LDAH: variants seen among roughly 807,000 people sequenced by gnomAD.
LDAH encodes the protein lipid droplet-associated hydrolase.
In LDAH, 26 loss-of-function variants were observed where a neutral mutation model predicts 29.6. The observed-to-expected ratio is 0.88, with a 90% CI of 0.64 to 1.22. The LOEUF (loss-of-function observed/expected upper bound fraction) is 1.22. Ranked by LOEUF, LDAH falls within the 50% of genes most tolerant of loss-of-function variation. The probability of loss-of-function intolerance (pLI) is 0.00; values close to 1 mark genes in which losing one functional copy is unlikely to be tolerated. For missense variants in LDAH, 344 were observed against 387.3 expected (o/e 0.89, Z 0.94); for synonymous variants, 117 against 133.0 (o/e 0.88, Z 0.83).
At chr2:20,720,746 G>A (rs1029479719) in intron 5 of LDAH, among the ~76,000 whole-genome samples, 2 of 152,094 alleles carry the variant, frequency 1.3e-5, no homozygotes, top group Non-Finnish European at 2.9e-5. Flanking sequence ...ATGCTACAAA[G>A]CTATAGTAAT....
intron 1 of LDAH, among the ~76,000 whole-genome samples, chr2:20,821,493 A>C (rs1483686908): frequency 1.3e-5 from 2 of 152,184 alleles, no homozygotes; most frequent in African/African-American, 4.8e-5. Flanking sequence ...GGAAACCATC[A>C]TTCTCAGCAA....
intron 3 of LDAH, among the ~76,000 whole-genome samples, chr2:20,781,541 T>C (rs1381270230): frequency 1.3e-5 from 2 of 152,212 alleles, no homozygotes; most frequent in Non-Finnish European, 2.9e-5. Context: ...AAAGCCACTA[T>C]AGCATACATT....
chr2:20,707,530 T>C (rs916164011), intron 5 of LDAH, among the ~76,000 whole-genome samples: 4 of 152,152 alleles, frequency 2.6e-5, no homozygotes, highest in African/African-American at 9.7e-5. Flanking sequence ...GCTACCGCAG[T>C]GGTTTTTGGT....
At chr2:20,720,558 C>T (rs1032879332) in intron 5 of LDAH, among the ~76,000 whole-genome samples, 1 of 152,062 alleles carries the variant, frequency 6.6e-6, no homozygotes, top group Admixed American at 6.6e-5. Flanking sequence ...AAGCAATCTA[C>T]AGATTCAATG....
At chr2:20,715,583 G>A (rs2149385576) in intron 5 of LDAH, among the ~76,000 whole-genome samples, 1 of 152,322 alleles carries the variant, frequency 6.6e-6, no homozygotes, top group Admixed American at 6.5e-5. Flanking sequence ...AAAAGAGGAA[G>A]TCAAATTGTC....
At chr2:20,817,825 T>C (rs1160906371) in intron 1 of LDAH, among the ~76,000 whole-genome samples, 3 of 152,058 alleles carry the variant, frequency 2.0e-5, no homozygotes, top group Non-Finnish European at 2.9e-5. Context: ...CAGCAATAAA[T>C]AAAGAAATGC....
chr2:20,769,903 T>C (rs1204569608), intron 4 of LDAH, among the ~76,000 whole-genome samples: 2 of 152,078 alleles, frequency 1.3e-5, no homozygotes, highest in Admixed American at 1.3e-4. Flanking sequence ...AGCAATAAAT[T>C]AGAAGTAGGG....
intron 3 of LDAH, among the ~76,000 whole-genome samples, chr2:20,782,187 C>T (rs1670240544): frequency 6.6e-6 from 1 of 152,150 alleles, no homozygotes; most frequent in African/African-American, 2.4e-5. Flanking sequence ...TCAGGTCCCA[C>T]CCCAGATCTA....
intron 3 of LDAH, among the ~76,000 whole-genome samples, chr2:20,779,736 T>C (rs997763965): frequency 3.3e-5 from 5 of 152,162 alleles, no homozygotes; most frequent in Non-Finnish European, 7.4e-5. Flanking sequence ...TTGTGAGTAA[T>C]AGAAACTTTG....
At chr2:20,751,792 T>G (rs1667991774) in intron 4 of LDAH, among the ~76,000 whole-genome samples, 1 of 152,240 alleles carries the variant, frequency 6.6e-6, no homozygotes, top group Admixed American at 6.5e-5. Context: ...CAGACGAAAT[T>G]GTAATTTGCT....
In LDAH at chr2:20,685,434, T is replaced by C; in HGVS notation, c.*1469A>G. On this transcript the variant is annotated 3_prime_UTR_variant, in exon 7 of 7. Transcript: ENST00000237822. ...TTACGGCCTATGTATCTATTAGCTCTTCCCCTTGGGCTAACAGCACTCCTT... is the reference window on the plus strand; with the variant it reads ...TTACGGCCTATGTATCTATTAGCTCCTCCCCTTGGGCTAACAGCACTCCTT... 3.6e-6 allele frequency: 5 copies of C among 1,374,946 alleles called. No homozygotes were observed. Among genetic ancestry groups the C allele is most frequent in the Non-Finnish European group, 4.9e-6 (5 of 1,024,282 alleles). 85.2% of individuals were successfully genotyped at this position (1,374,946 alleles called of 1,614,324 possible).
chr2:20,697,439 C>T (rs1663572639), intron 6 of LDAH, among the ~76,000 whole-genome samples: 1 of 152,180 alleles, frequency 6.6e-6, no homozygotes, highest in Non-Finnish European at 1.5e-5. Flanking sequence ...AAGATAATCC[C>T]TCTCATTTGT....
At chr2:20,785,765 G>C (rs1232846102) in intron 3 of LDAH, among the ~76,000 whole-genome samples, 1 of 152,016 alleles carries the variant, frequency 6.6e-6, no homozygotes, top group Non-Finnish European at 1.5e-5. Context: ...TATTTTTCCA[G>C]CCCACTGATT....
At chr2:20,793,479 A>G (rs116450243) in intron 2 of LDAH, among the ~76,000 whole-genome samples, 4 of 152,334 alleles carry the variant, frequency 2.6e-5, no homozygotes, top group African/African-American at 9.6e-5. Flanking sequence ...AATGGAAGAC[A>G]GTCCATAATC....
rs112866793 is a variant in LDAH at position 20,760,819 on chromosome 2, C to T, written c.468+13991G>A. 2.6e-3 allele frequency among the ~76,000 whole-genome samples: 394 copies of T among 152,244 alleles called. 1 individual carries two copies. Among genetic ancestry groups the T allele is most frequent in the African/African-American group, 9.0e-3 (373 of 41,544 alleles). On this transcript the variant is annotated intron_variant, in intron 4 of 6. Coordinates refer to ENST00000237822, the MANE Select transcript of LDAH (RefSeq NM_021925.4). ...TAATCATGTGCTTCCTGTCTGTCAC[C>T]TTTATCATATTTTGTTGGTTAGATG...
At chr2:20,759,137 A>G (rs570685767) in intron 4 of LDAH, among the ~76,000 whole-genome samples, 12 of 152,292 alleles carry the variant, frequency 7.9e-5, no homozygotes, top group South Asian at 4.1e-4. Flanking sequence ...AGAAGCTCCC[A>G]TAACAGTACT....
chr2:20,734,396 T>C (rs886717656), intron 5 of LDAH, among the ~76,000 whole-genome samples: 15 of 152,216 alleles, frequency 9.9e-5, no homozygotes, highest in African/African-American at 3.4e-4. Context: ...TTTCTAAATA[T>C]AGAATTCCAT....
chr2:20,817,400 G>A (rs959148338), intron 1 of LDAH, among the ~76,000 whole-genome samples: 1 of 151,844 alleles, frequency 6.6e-6, no homozygotes, highest in Non-Finnish European at 1.5e-5. Context: ...CCTGACAAAG[G>A]CAGTACAAAA....
At chr2:20,812,443 G>A (rs1672557915) in intron 1 of LDAH, among the ~76,000 whole-genome samples, 1 of 152,106 alleles carries the variant, frequency 6.6e-6, no homozygotes, top group African/African-American at 2.4e-5. Context: ...CAGCTATTGA[G>A]CATTTTCATC....
Sources: gnomAD v4.1 joint callset for allele counts (sites outside exome capture counted in the v4.1 genomes callset) on GRCh38, gnomAD v4.1.1 for gene constraint, MANE v1.5 for transcripts, NCBI Gene and HGNC (gene_info 2026-07-23, HGNC 2026-07-21) for gene names.